ROR2: variants seen among roughly 807,000 people sequenced by gnomAD.
ROR2 encodes the protein ROR family WNT receptor 2.
Under a neutral mutation model 74.9 loss-of-function variants are expected in ROR2, and 33 were observed. The ratio of observed to expected loss-of-function variants is 0.44; its 90% confidence interval spans 0.33 to 0.59. The LOEUF is 0.59. ROR2 is among the 20% of genes least tolerant of loss of function. The probability of loss-of-function intolerance (pLI) is 0.02; values close to 1 mark genes in which losing one functional copy is unlikely to be tolerated. For synonymous variants in ROR2, 586 were observed against 558.7 expected (o/e 1.05, Z -0.69); for missense variants, 1,216 against 1,313.8 (o/e 0.93, Z 1.15).
intron 1 of ROR2, among the ~76,000 whole-genome samples, chr9:91,876,269 T>C (rs1039333183): frequency 6.6e-6 from 1 of 151,828 alleles, no homozygotes; most frequent in African/African-American, 2.4e-5. Flanking sequence ...CTCGAGAGAC[T>C]GAGGCAGGAG....
rs532441043 is a variant in ROR2, at chr9:91,883,086, C to T, written c.97+66781G>A. On this transcript the variant is annotated intron_variant, in intron 1 of 8. Coordinates refer to ENST00000375708, the MANE Select transcript of ROR2 (RefSeq NM_004560.4). ...CAAGGAAATGCTCACTGGAGTACTT[C>T]AGATTTCGGATTTTTGGATTAGAGA... 3.3e-5 allele frequency among the ~76,000 whole-genome samples: 5 copies of T among 152,322 alleles called. 1 individual carries two copies. The highest frequency in any genetic ancestry group is 1.2e-4 in the African/African-American group (5 of 41,578).
intron 1 of ROR2, among the ~76,000 whole-genome samples, chr9:91,948,314 C>T (rs1255597062): frequency 2.0e-5 from 3 of 152,212 alleles, no homozygotes; most frequent in Non-Finnish European, 4.4e-5. Context: ...CGTCCAGCAA[C>T]GTGTTTAAGC....
rs531373804 is a variant in ROR2 at position 91,776,044 on chromosome 9, C to T, written c.98-226G>A. ...AAGCTTATCACAAGAATAGCAAATGCGGGGGCTTTGCAACACAGGTATGGA... is the reference window on the plus strand; with the variant it reads ...AAGCTTATCACAAGAATAGCAAATGTGGGGGCTTTGCAACACAGGTATGGA... On this transcript the variant is annotated intron_variant, in intron 1 of 8. Transcript: ENST00000375708. 1.9e-3 allele frequency among the ~76,000 whole-genome samples: 296 copies of T among 152,234 alleles called. 1 individual carries two copies. The highest frequency in any genetic ancestry group is 7.0e-3 in the African/African-American group (289 of 41,536).
At chr9:91,919,510 A>G (rs752305193) in intron 1 of ROR2, among the ~76,000 whole-genome samples, 1 of 152,182 alleles carries the variant, frequency 6.6e-6, no homozygotes, top group Non-Finnish European at 1.5e-5. Flanking sequence ...CAACCTGCCC[A>G]CCATGAATCC....
chr9:91,801,321 T>G (rs112312268), intron 1 of ROR2, among the ~76,000 whole-genome samples: 26 of 152,240 alleles, frequency 1.7e-4, no homozygotes, highest in African/African-American at 6.3e-4. Flanking sequence ...CTAAATAAAA[T>G]TTGCACGCTT....
chr9:91,792,580 T>G (rs1378182551), intron 1 of ROR2, among the ~76,000 whole-genome samples: 1 of 152,160 alleles, frequency 6.6e-6, no homozygotes, highest in Non-Finnish European at 1.5e-5. Flanking sequence ...AGTGCTGGGA[T>G]TACAGGCATG....
At position 91,950,158 on chromosome 9, in the gene ROR2, T is replaced by C. The variant is rs1204341332; in HGVS notation, c.-195A>G. 2.8e-6 allele frequency: 1 copy of C among 363,350 alleles called. No individual in the cohort carries two copies. 22.5% of individuals were successfully genotyped at this position (363,350 alleles called of 1,614,324 possible). A position where few individuals can be genotyped will look rare whatever the true frequency, so the allele number is the denominator to read the frequency against. On this transcript the variant is annotated 5_prime_UTR_variant, in exon 1 of 9. Coordinates refer to ENST00000375708, the MANE Select transcript of ROR2 (RefSeq NM_004560.4). Reference sequence around the variant, plus strand: ...GCTCGGCTCCGGCCACGGCAAGGGCTGGCTGGGGAGGTTCCTTGGCGCGGG... The same window carrying C: ...GCTCGGCTCCGGCCACGGCAAGGGCCGGCTGGGGAGGTTCCTTGGCGCGGG...
chr9:91,766,739 T>C (rs1826069414), intron 2 of ROR2, among the ~76,000 whole-genome samples: 2 of 152,104 alleles, frequency 1.3e-5, no homozygotes, highest in African/African-American at 4.8e-5. Flanking sequence ...GCCCTAAACC[T>C]CTCCAGAAAC....
At chr9:91,834,282 C>T (rs969664798) in intron 1 of ROR2, among the ~76,000 whole-genome samples, 15 of 152,188 alleles carry the variant, frequency 9.9e-5, no homozygotes, top group Non-Finnish European at 1.9e-4. Context: ...GTTTCATCTC[C>T]TCCCTTCCCT....
At chr9:91,732,712 G>A (rs1034806889) in intron 6 of ROR2, among the ~76,000 whole-genome samples, 4 of 152,170 alleles carry the variant, frequency 2.6e-5, no homozygotes, top group Middle Eastern at 3.2e-3. Context: ...CTGCATTTTC[G>A]CCTGGCGGCC....
chr9:91,763,482 T>C (rs1825973942), intron 2 of ROR2, among the ~76,000 whole-genome samples: 3 of 152,238 alleles, frequency 2.0e-5, no homozygotes, highest in South Asian at 2.1e-4. Flanking sequence ...CAGAATTTGG[T>C]GTTTGGGTGC....
At chr9:91,738,716 G>A (rs1328838544) in intron 4 of ROR2, among the ~76,000 whole-genome samples, 9 of 152,204 alleles carry the variant, frequency 5.9e-5, no homozygotes, top group African/African-American at 2.2e-4. Flanking sequence ...CCTACTCTAC[G>A]CAGAAGTGCG....
At chr9:91,926,970 T>C (rs185036973) in intron 1 of ROR2, among the ~76,000 whole-genome samples, 417 of 152,328 alleles carry the variant, frequency 2.7e-3, no homozygotes, top group Non-Finnish European at 4.1e-3. Flanking sequence ...GCTGCTGAAC[T>C]GTATGCTCAA....
At chr9:91,800,728 A>G (rs941223795) in intron 1 of ROR2, among the ~76,000 whole-genome samples, 1 of 152,242 alleles carries the variant, frequency 6.6e-6, no homozygotes, top group Non-Finnish European at 1.5e-5. Context: ...TTGTCCTCCC[A>G]AGCCATTCCC....
At chr9:91,841,307 C>G (rs976194078) in intron 1 of ROR2, among the ~76,000 whole-genome samples, 3 of 152,180 alleles carry the variant, frequency 2.0e-5, no homozygotes, top group African/African-American at 7.2e-5. Flanking sequence ...TGACCAGGAG[C>G]TTTTTAAAAC....
chr9:91,880,988 T>C (rs528302213), intron 1 of ROR2, among the ~76,000 whole-genome samples: 1 of 152,346 alleles, frequency 6.6e-6, no homozygotes, highest in South Asian at 2.1e-4. Flanking sequence ...TAGGATTATG[T>C]ACAAGAATGT....
intron 1 of ROR2, among the ~76,000 whole-genome samples, chr9:91,854,310 T>A (rs1450862389): frequency 6.6e-6 from 1 of 152,176 alleles, no homozygotes; most frequent in Non-Finnish European, 1.5e-5. Flanking sequence ...CACAAGGGCG[T>A]GGAGTCAGCA....
intron 7 of ROR2, among the ~76,000 whole-genome samples, chr9:91,727,627 C>G (rs990787046): frequency 1.3e-5 from 2 of 152,254 alleles, no homozygotes; most frequent in East Asian, 3.9e-4. Context: ...TGACCCTAAG[C>G]CTGGTGGAAG....
At chr9:91,904,055 G>C (rs556003648) in intron 1 of ROR2, among the ~76,000 whole-genome samples, 1,872 of 151,344 alleles carry the variant, frequency 0.012, 47 homozygotes, top group African/African-American at 0.042. Flanking sequence ...TTTTTTTGGG[G>C]GGGGGGACAG....
Sources: allele counts gnomAD v4.1 joint callset (sites outside exome capture counted in the v4.1 genomes callset), GRCh38; gene constraint gnomAD v4.1.1; transcripts MANE v1.5; gene names NCBI Gene and HGNC (gene_info 2026-07-23, HGNC 2026-07-21).